The following ASXL1 variants were observed in gnomAD, a reference collection of about 807,000 sequenced individuals.
ASXL1 encodes the protein polycomb group protein ASXL1.
A neutral mutation model predicts 89.1 loss-of-function variants in ASXL1; 65 were observed. That is an observed-to-expected ratio of 0.73 (90% CI 0.60 to 0.90). The LOEUF is 0.90. ASXL1 is among the 40% of genes least tolerant of loss of function. The pLI is 0.00. For synonymous variants in ASXL1, 739 were observed against 746.9 expected, an observed-to-expected ratio of 0.99 and a Z score of 0.17; for missense variants, 1,786 against 1,942.9, an observed-to-expected ratio of 0.92 and a Z score of 1.52.
chr20:32,382,735 G>A (rs2048510525), intron 4 of ASXL1, among the ~76,000 whole-genome samples: 1 of 151,944 alleles, frequency 6.6e-6, no homozygotes. Context: ...GCAGTGAGCT[G>A]TGATTGTGCC....
Position 32,434,718 on chromosome 20 carries a change from G to A in ASXL1, c.2006G>A (p.Gly669Asp), listed in dbSNP as rs756863234. 1.2e-6 allele frequency: 2 copies of A among 1,610,864 alleles called. No homozygotes were observed. The highest frequency in any genetic ancestry group is 2.2e-5 in the South Asian group (2 of 90,824). The change falls in exon 13 of 13, where the codon GGT becomes GAT. Residue 669 changes from glycine (G) to aspartate (D), a missense_variant. Physicochemically the swap from Gly to Asp is moderately conservative, Grantham distance 94 (BLOSUM62 -1). Coordinates refer to ENST00000375687, the MANE Select transcript of ASXL1 (RefSeq NM_015338.6). The part of the protein sequence containing the change: ...GGRGSSSGDG[G>D]EACGHPEPRG... ...AGAGGCAGCAGCAGTGGTGATGGTG[G>A]TGAGGCCTGTGGCCACCCTGAGCCC... is the stretch of plus-strand genomic sequence containing the variant.
intron 4 of ASXL1, among the ~76,000 whole-genome samples, chr20:32,371,103 C>T (rs778698194): frequency 4.6e-5 from 7 of 151,936 alleles, no homozygotes; most frequent in Non-Finnish European, 8.8e-5. Context: ...GCTCTCCAGC[C>T]TGGGCCACAT....
At chr20:32,418,807 A>ATTTTTTTT (rs2049183477) in intron 4 of ASXL1, among the ~76,000 whole-genome samples, 1 of 101,402 alleles carries the variant, frequency 9.9e-6, no homozygotes, top group African/African-American at 3.8e-5. Context: ...AAGAATTGAC[A>ATTTTTTTT]TCTTTTTTTT....
intron 4 of ASXL1, among the ~76,000 whole-genome samples, chr20:32,381,923 C>T (rs1374154432): frequency 6.7e-6 from 1 of 149,304 alleles, no homozygotes; most frequent in African/African-American, 2.5e-5. Flanking sequence ...TTCTGCTCAG[C>T]AAGTTAACTT....
intron 4 of ASXL1, chr20:32,426,979 C>T (rs1206163501): frequency 6.6e-6 from 1 of 152,136 alleles, no homozygotes; most frequent in African/African-American, 2.4e-5. Flanking sequence ...TTGTTGTGGG[C>T]ACCTGTTTTA....
chr20:32,394,957 G>A (rs907936431), intron 4 of ASXL1, among the ~76,000 whole-genome samples: 4 of 151,810 alleles, frequency 2.6e-5, no homozygotes, highest in Non-Finnish European at 4.4e-5. Context: ...CCAGTGATCC[G>A]CCTGTCTTGG....
intron 10 of ASXL1, 62 bp from the exon 11 acceptor site, chr20:32,432,818 G>C: frequency 1.1e-5 from 18 of 1,586,262 alleles, no homozygotes; most frequent in Non-Finnish European, 1.5e-5. Context: ...AGATTCAGCT[G>C]TCCATAAGAC....
chr20:32,360,058 G>T, intron 1 of ASXL1: 2 of 466,124 alleles, frequency 4.3e-6, no homozygotes, highest in East Asian at 3.7e-5. Flanking sequence ...TGCTTCAAAG[G>T]TGTTGTGCAA....
In ASXL1 at chr20:32,436,172, G is replaced by A. The variant is rs199571804; in HGVS notation, c.3460G>A (p.Gly1154Ser). ...CTCGCTACGCATGGGATCTTTACAT[G>A]GTCTTGGAAAAAACAGTGGCATGGT... ...HGSLRMGSLH[G>S]LGKNSGMVDG... is the part of the protein sequence containing the mutation. Residue 1154 changes from glycine to serine, a missense_variant, in exon 13 of 13, where the codon GGT becomes AGT. Physicochemically the swap from Gly to Ser is moderately conservative, Grantham distance 56. Transcript: ENST00000375687. The A allele has an allele frequency of 1.9e-6, 3 of 1,614,200 alleles. No individual in the cohort carries two copies. Among genetic ancestry groups the A allele is most frequent in the Admixed American group, 3.3e-5 (2 of 60,036 alleles).
intron 4 of ASXL1, among the ~76,000 whole-genome samples, chr20:32,412,374 T>TA: frequency 6.6e-6 from 1 of 152,202 alleles, no homozygotes. Flanking sequence ...TAGAACTCAG[T>TA]ATTTGTTTAT....
intron 4 of ASXL1, among the ~76,000 whole-genome samples, chr20:32,415,187 T>G (rs1482057194): frequency 1.3e-5 from 2 of 152,038 alleles, no homozygotes; most frequent in Non-Finnish European, 2.9e-5. Flanking sequence ...TTTTGTATTT[T>G]TAGTATAGAT....
In ASXL1 at chr20:32,429,132, T is replaced by G; in HGVS notation, c.472-206T>G. On this transcript the variant is annotated intron_variant, in intron 6 of 12. Coordinates refer to ENST00000375687, the MANE Select transcript of ASXL1 (RefSeq NM_015338.6). This position sits in a 1 kb window ranked among gnomAD's most constrained non-coding sequence, Gnocchi z 4.9. ...CCTGTAAAATGGGGATAACAGTACA[T>G]TTTTGTAGCTTGGAATGATGCTTGG... 2 of 603,548 alleles carry G rather than the reference T, an allele frequency of 3.3e-6. No homozygotes were observed. The highest frequency in any genetic ancestry group is 5.9e-6 in the Non-Finnish European group (2 of 336,280). 37.4% of individuals were successfully genotyped at this position (603,548 alleles called of 1,614,324 possible). A position where few individuals can be genotyped will look rare whatever the true frequency, so the allele number is the denominator to read the frequency against.
chr20:32,435,939 T>C lies in ASXL1; in HGVS notation c.3227T>C (p.Ile1076Thr). Residue 1076 changes from isoleucine (I) to threonine (T), a missense_variant, in exon 13 of 13, where the codon ATC (isoleucine) becomes ACC (threonine). Ile to Thr is a moderately conservative substitution (Grantham distance 89). Transcript: ENST00000375687. ...CGAGTATGTGCGGTCCGCCAAAAGA[T>C]CCCAGATTCCCTACTGCTGGCCAGT... ...VSRVCAVRQK[I>T]PDSLLLASTE... 1.9e-6 allele frequency: 3 copies of C among 1,614,098 alleles called. No individual in the cohort carries two copies. Among genetic ancestry groups the C allele is most frequent in the Non-Finnish European group, 1.7e-6 (2 of 1,180,022 alleles).
In ASXL1 at chr20:32,434,918, A is replaced by G; in HGVS notation, c.2206A>G (p.Thr736Ala). 6.2e-7 allele frequency: 1 copy of G among 1,614,204 alleles called. No homozygotes were observed. Among genetic ancestry groups the G allele is most frequent in the Non-Finnish European group, 8.5e-7 (1 of 1,180,030 alleles). Residue 736 changes from threonine to alanine, a missense_variant, in exon 13 of 13, where the codon ACA (threonine) becomes GCA (alanine). Physicochemically the swap from Thr to Ala is moderately conservative, Grantham distance 58. This residue lies in a region of ASXL1 where 1,418 missense variants were observed against 1,427.8 expected (regional missense o/e 0.99). Transcript: ENST00000375687. ...GGAAAGCTGCCTACTACAGAGGGCT[A>G]CAGTTGGACTCACAGATGGGCTAGG... ...KEESCLLQRA[T>A]VGLTDGLGDA...
At chr20:32,417,364 CTTA>C (rs907066888) in intron 4 of ASXL1, among the ~76,000 whole-genome samples, 2 of 152,152 alleles carry the variant, frequency 1.3e-5, no homozygotes, top group Non-Finnish European at 2.9e-5. Flanking sequence ...AAACTCCTTT[CTTA>C]TTATTAGTAA....
intron 4 of ASXL1, among the ~76,000 whole-genome samples, chr20:32,420,847 T>C (rs1264109319): frequency 2.0e-5 from 3 of 151,762 alleles, no homozygotes; most frequent in South Asian, 2.1e-4. Context: ...GAGGAAGATA[T>C]GAATATGGCC....
intron 4 of ASXL1, among the ~76,000 whole-genome samples, chr20:32,369,538 C>T (rs1282030380): frequency 6.6e-6 from 1 of 151,868 alleles, no homozygotes. Flanking sequence ...AGGCATGAGC[C>T]ACCGCACCTG....
chr20:32,419,410 C>T (rs2049199713), intron 4 of ASXL1, among the ~76,000 whole-genome samples: 1 of 151,718 alleles, frequency 6.6e-6, no homozygotes, highest in Non-Finnish European at 1.5e-5. Flanking sequence ...CCTTACGTTG[C>T]TCATGTTGGT....
chr20:32,419,837 GC>G (rs1569305512), intron 4 of ASXL1, among the ~76,000 whole-genome samples: 1 of 151,672 alleles, frequency 6.6e-6, no homozygotes, highest in African/African-American at 2.4e-5. Context: ...GCGCTACCAC[GC>G]CGGGCTAATT....
Sources: allele counts gnomAD v4.1 joint callset (sites outside exome capture counted in the v4.1 genomes callset), GRCh38; gene constraint gnomAD v4.1.1; regional missense constraint gnomAD v4.1.1; non-coding constraint Gnocchi (gnomAD v3.1); transcripts MANE v1.5; gene names NCBI Gene and HGNC (gene_info 2026-07-23, HGNC 2026-07-21).